GRM7: variants seen among roughly 807,000 people sequenced by gnomAD.
GRM7 encodes the protein metabotropic glutamate receptor 7.
In GRM7, 35 loss-of-function variants were observed where a neutral mutation model predicts 84.5. That is an observed-to-expected ratio of 0.41 (90% CI 0.32 to 0.55). The LOEUF is 0.55. Ranked by LOEUF, GRM7 falls within the 20% of genes least tolerant of loss-of-function variation. The pLI is 0.19. For missense variants in GRM7, 1,003 were observed against 1,194.6 expected (o/e 0.84, Z 2.36); for synonymous variants, 487 against 455.1 (o/e 1.07, Z -0.89).
chr3:7,273,827 C>A (rs1404811501), intron 2 of GRM7, among the ~76,000 whole-genome samples: 11 of 151,924 alleles, frequency 7.2e-5, no homozygotes, highest in African/African-American at 2.7e-4. Flanking sequence ...CAACCTCTGG[C>A]TTTTAGTTGG....
chr3:7,460,099 T>TAAAAAAAA lies in GRM7; in HGVS notation c.1376-1461_1376-1454dup, dbSNP rs71066013. Among the ~76,000 whole-genome samples, 210 of 49,548 alleles carry TAAAAAAAA rather than the reference T, an allele frequency of 4.2e-3. 3 individuals are homozygous for TAAAAAAAA. Among genetic ancestry groups the TAAAAAAAA allele is most frequent in the Middle Eastern group, 0.025 (1 of 40 alleles). 32.5% of individuals were successfully genotyped at this position (49,548 alleles called of 152,430 possible). A position where few individuals can be genotyped will look rare whatever the true frequency, so the allele number is the denominator to read the frequency against. On this transcript the variant is annotated intron_variant, in intron 6 of 9. Coordinates refer to ENST00000357716, the MANE Select transcript of GRM7 (RefSeq NM_000844.4). ...ACAGGGAAAAGTATGCTTAAAATAG[T>TAAAAAAAA]AAAAAAAAAAAAAAAAAAAAAAAAA... is the stretch of plus-strand genomic sequence containing the variant.
chr3:7,715,948 C>T (rs1701757905), intron 9 of GRM7, among the ~76,000 whole-genome samples: 1 of 152,186 alleles, frequency 6.6e-6, no homozygotes, highest in African/African-American at 2.4e-5. Flanking sequence ...AGGGATTCAG[C>T]AGCCCTTCCC....
At chr3:7,512,457 C>G (rs1700240857) in intron 7 of GRM7, among the ~76,000 whole-genome samples, 1 of 152,114 alleles carries the variant, frequency 6.6e-6, no homozygotes, top group South Asian at 2.1e-4. Context: ...AGAGAATGAG[C>G]CCCTGTGTGT....
chr3:7,356,264 A>G lies in GRM7; in HGVS notation c.1033+49612A>G, dbSNP rs1052249793. Among the ~76,000 whole-genome samples the G allele has an allele frequency of 2.6e-5, 4 of 151,954 alleles. No homozygotes were observed. In the South Asian group the frequency reaches 6.2e-4, roughly 24 times the overall value. ...TGTGAAGGTATTTGCGTCCACATGAATGTTCATCAAAAGGTGACATCAGCA... is the reference window on the plus strand; with the variant it reads ...TGTGAAGGTATTTGCGTCCACATGAGTGTTCATCAAAAGGTGACATCAGCA... On this transcript the variant is annotated intron_variant, in intron 4 of 9. Coordinates refer to ENST00000357716, the MANE Select transcript of GRM7 (RefSeq NM_000844.4).
intron 7 of GRM7, among the ~76,000 whole-genome samples, chr3:7,516,083 T>A (rs1434178446): frequency 6.8e-6 from 1 of 147,118 alleles, no homozygotes; most frequent in African/African-American, 2.5e-5. Context: ...GGGAGGATCT[T>A]GAGGCTGGAA....
chr3:7,414,673 A>AG (rs919620707), intron 4 of GRM7, among the ~76,000 whole-genome samples: 20 of 152,192 alleles, frequency 1.3e-4, no homozygotes, highest in African/African-American at 4.8e-4. Context: ...AAGTGAAAGG[A>AG]GGTTCTTAAA....
At chr3:7,734,991 C>G (rs1702456483) in intron 9 of GRM7, among the ~76,000 whole-genome samples, 1 of 151,996 alleles carries the variant, frequency 6.6e-6, no homozygotes, top group Admixed American at 6.6e-5. Flanking sequence ...GGGCTAAGGG[C>G]AATTTACTAA....
At chr3:7,134,139 T>C (rs1693694457) in intron 1 of GRM7, among the ~76,000 whole-genome samples, 1 of 152,192 alleles carries the variant, frequency 6.6e-6, no homozygotes, top group Non-Finnish European at 1.5e-5. Flanking sequence ...ATCTTAACCC[T>C]GTGATGTGTC....
intron 1 of GRM7, among the ~76,000 whole-genome samples, chr3:7,009,984 A>G (rs1381388206): frequency 1.3e-5 from 2 of 152,198 alleles, no homozygotes; most frequent in African/African-American, 4.8e-5. Context: ...TTTTCCCTAA[A>G]CTTGGCATTA....
Position 7,539,449 on chromosome 3 carries a change from G to A in GRM7, c.1516-38973G>A, listed in dbSNP as rs113768119. Among the ~76,000 whole-genome samples the A allele has an allele frequency of 3.9e-3, 589 of 151,852 alleles. 7 individuals carry two copies. Among genetic ancestry groups the A allele is most frequent in the African/African-American group, 0.014 (566 of 41,460 alleles). On this transcript the variant is annotated intron_variant, in intron 7 of 9. Transcript: ENST00000357716. ...CCCAGCACTTTGGGAGGCCGAGGTG[G>A]GTGGATCATGAGGTCCGGAGTTCAA...
rs1426975606 is a variant in GRM7 at position 7,331,476 on chromosome 3, A to G, written c.1033+24824A>G. On this transcript the variant is annotated intron_variant, in intron 4 of 9. Transcript: ENST00000357716. Reference sequence around the variant, plus strand: ...AGCAGAGACTCCAAGTGGACATACCACGGCTCAAATTACTGTGTAAGACAC... The same window carrying G: ...AGCAGAGACTCCAAGTGGACATACCGCGGCTCAAATTACTGTGTAAGACAC... Among the ~76,000 whole-genome samples the G allele has an allele frequency of 1.3e-5, 2 of 152,238 alleles. 1 individual carries two copies. The highest frequency in any genetic ancestry group is 2.9e-5 in the Non-Finnish European group (2 of 68,032).
intron 1 of GRM7, among the ~76,000 whole-genome samples, chr3:6,949,094 C>T (rs1698204999): frequency 6.6e-6 from 1 of 152,288 alleles, no homozygotes. Flanking sequence ...TTTATCCTAT[C>T]ATTATGATGT....
chr3:7,322,976 A>G (rs1700843868), intron 4 of GRM7, among the ~76,000 whole-genome samples: 1 of 152,132 alleles, frequency 6.6e-6, no homozygotes, highest in African/African-American at 2.4e-5. Flanking sequence ...ATTCTGGGGC[A>G]TACATTATTG....
chr3:7,560,985 C>A (rs1203250028), intron 7 of GRM7, among the ~76,000 whole-genome samples: 2 of 152,090 alleles, frequency 1.3e-5, no homozygotes, highest in Non-Finnish European at 2.9e-5. Context: ...TGGCAGATAG[C>A]CCTTGAATGA....
At chr3:7,172,713 C>T (rs1305979370) in intron 2 of GRM7, among the ~76,000 whole-genome samples, 1 of 152,110 alleles carries the variant, frequency 6.6e-6, no homozygotes, top group African/African-American at 2.4e-5. Flanking sequence ...TGGAGTTCTA[C>T]TTGAAAACTG....
At chr3:6,951,714 G>C (rs570287973) in intron 1 of GRM7, among the ~76,000 whole-genome samples, 1 of 152,150 alleles carries the variant, frequency 6.6e-6, no homozygotes, top group African/African-American at 2.4e-5. Context: ...TCCCCTTTCA[G>C]AAAAAAATAT....
chr3:7,379,702 T>A (rs1021198778), intron 4 of GRM7, among the ~76,000 whole-genome samples: 2 of 152,142 alleles, frequency 1.3e-5, no homozygotes, highest in Non-Finnish European at 2.9e-5. Flanking sequence ...ATACCCTTAG[T>A]GGATATTTTA....
intron 7 of GRM7, among the ~76,000 whole-genome samples, chr3:7,523,495 A>G (rs1700678647): frequency 6.6e-6 from 1 of 152,142 alleles, no homozygotes; most frequent in South Asian, 2.1e-4. Flanking sequence ...GTAGAAGTGT[A>G]CACTCCTGCT....
intron 5 of GRM7, among the ~76,000 whole-genome samples, chr3:7,418,570 A>C (rs1436808546): frequency 6.6e-6 from 1 of 152,068 alleles, no homozygotes; most frequent in East Asian, 1.9e-4. Context: ...CGTTGTATTT[A>C]TGTTCCCCTA....
Sources: allele counts gnomAD v4.1 joint callset (sites outside exome capture counted in the v4.1 genomes callset), GRCh38; gene constraint gnomAD v4.1.1; transcripts MANE v1.5; gene names NCBI Gene and HGNC (gene_info 2026-07-23, HGNC 2026-07-21).